Variants in ADGRA3 observed in about 807,000 individuals in gnomAD.
ADGRA3 encodes G-protein coupled receptor 125.
In ADGRA3, 56 loss-of-function variants were observed where a neutral mutation model predicts 119.8. The observed-to-expected ratio is 0.47, with a 90% CI of 0.38 to 0.58. ADGRA3 has a LOEUF of 0.58. Ranked by LOEUF, ADGRA3 falls within the 20% of genes least tolerant of loss-of-function variation. The probability of loss-of-function intolerance (pLI) is 0.00; values close to 1 mark genes in which losing one functional copy is unlikely to be tolerated. For missense variants in ADGRA3, 1,516 were observed against 1,649.0 expected (o/e 0.92, Z 1.40); for synonymous variants, 607 against 623.8 (o/e 0.97, Z 0.40).
At position 22,473,779 on chromosome 4, in the gene ADGRA3, C is replaced by A; in HGVS notation, c.322G>T (p.Glu108Ter). 1 of 1,590,128 alleles carries A rather than the reference C, an allele frequency of 6.3e-7. No homozygotes were observed. The change falls in exon 2 of 19, where the codon GAA (glutamate) becomes TAA (stop). Residue 108 changes from glutamate to a stop codon, truncating the protein, a stop_gained. Coordinates refer to ENST00000334304, the MANE Select transcript of ADGRA3 (RefSeq NM_145290.4). LOFTEE classifies it high-confidence loss of function. ...TAATTAAAGAATACTCACAATCTTT[C>A]AAGGAGACTTAACCCAGAAAATGAG... Reference protein sequence around the residue: ...NGSFSGLSLLERLDLRNNLIS... With the variant: ...NGSFSGLSLL
chr4:22,457,001 T>C (rs1293077985), intron 3 of ADGRA3, among the ~76,000 whole-genome samples: 2 of 152,206 alleles, frequency 1.3e-5, no homozygotes, highest in Admixed American at 6.5e-5. Flanking sequence ...TTCTTGTAAA[T>C]TGTTGCATAA....
chr4:22,487,935 G>A (rs891373591), intron 1 of ADGRA3, among the ~76,000 whole-genome samples: 1 of 152,060 alleles, frequency 6.6e-6, no homozygotes, highest in African/African-American at 2.4e-5. Context: ...AAAGTGTGGC[G>A]GGTGAAGCCA....
At chr4:22,477,798 A>G (rs1487706183) in intron 1 of ADGRA3, 1 of 152,222 alleles carries the variant, frequency 6.6e-6, no homozygotes, top group Admixed American at 6.5e-5. Flanking sequence ...TAATGTATTC[A>G]GTCTACACAT....
At chr4:22,512,966 G>T (rs1719500651) in intron 1 of ADGRA3, among the ~76,000 whole-genome samples, 1 of 152,090 alleles carries the variant, frequency 6.6e-6, no homozygotes, top group Non-Finnish European at 1.5e-5. Context: ...CATCTGAACT[G>T]CAGGACAGGA....
chr4:22,408,160 G>A (rs1715029609), intron 14 of ADGRA3, among the ~76,000 whole-genome samples: 1 of 151,892 alleles, frequency 6.6e-6, no homozygotes, highest in Non-Finnish European at 1.5e-5. Context: ...ATCAATTCCA[G>A]TCAAATTACA....
chr4:22,479,580 C>A (rs1718181706), intron 1 of ADGRA3, among the ~76,000 whole-genome samples: 1 of 152,020 alleles, frequency 6.6e-6, no homozygotes, highest in Non-Finnish European at 1.5e-5. Flanking sequence ...TTGTAGAAGA[C>A]AGCATGGCGA....
intron 12 of ADGRA3, among the ~76,000 whole-genome samples, chr4:22,419,436 T>C (rs1182391911): frequency 6.6e-6 from 1 of 152,180 alleles, no homozygotes; most frequent in Non-Finnish European, 1.5e-5. Flanking sequence ...TGTCCACCTA[T>C]GAAGCATGAA....
At chr4:22,450,569 T>C (rs1717000355) in intron 4 of ADGRA3, among the ~76,000 whole-genome samples, 1 of 152,192 alleles carries the variant, frequency 6.6e-6, no homozygotes, top group Non-Finnish European at 1.5e-5. Context: ...CCAGCCATTG[T>C]TGTTTCTTAC....
chr4:22,442,834 T>C lies in ADGRA3; in HGVS notation c.736A>G (p.Met246Val), dbSNP rs141526104. 3.7e-6 allele frequency: 6 copies of C among 1,613,128 alleles called. No homozygotes were observed. Among genetic ancestry groups the C allele is most frequent in the Admixed American group, 3.3e-5 (2 of 59,950 alleles). Residue 246 changes from methionine to valine, a missense_variant, in exon 7 of 19, where the codon ATG becomes GTG. Physicochemically the swap from Met to Val is conservative, Grantham distance 21. Coordinates refer to ENST00000334304, the MANE Select transcript of ADGRA3 (RefSeq NM_145290.4). ...ACAACTTGGCGATGAGATGGAGTCA[T>C]GTAGAAAGACGGCAATTCAAGCGGA... ...DPPLELPSFY[M>V]TPSHRQVVFE...
intron 14 of ADGRA3, among the ~76,000 whole-genome samples, chr4:22,412,793 C>T (rs77074438): frequency 0.036 from 5,523 of 152,180 alleles, 149 homozygotes; most frequent in Non-Finnish European, 0.059. Flanking sequence ...TGGGAAACAG[C>T]GCTAGATTGC....
intron 10 of ADGRA3, among the ~76,000 whole-genome samples, chr4:22,434,763 C>T (rs1316722156): frequency 6.6e-6 from 1 of 152,140 alleles, no homozygotes; most frequent in East Asian, 1.9e-4. Context: ...ACAAGCATAT[C>T]ATGGTTTCAA....
At chr4:22,426,314 A>G (rs1408239161) in intron 10 of ADGRA3, among the ~76,000 whole-genome samples, 1 of 152,186 alleles carries the variant, frequency 6.6e-6, no homozygotes, top group Non-Finnish European at 1.5e-5. Flanking sequence ...ATGTATCACA[A>G]CTTTTTCCTT....
At position 22,515,933 on chromosome 4, in the gene ADGRA3, C is replaced by T. The variant is rs1201443867; in HGVS notation, c.-149G>A. ...ACGGGCCTTCCCCGGCGCGGACATGCTCCTTTGTCCGCTGCGGCTGCGCTG... is the reference window on the plus strand; with the variant it reads ...ACGGGCCTTCCCCGGCGCGGACATGTTCCTTTGTCCGCTGCGGCTGCGCTG... On this transcript the variant is annotated 5_prime_UTR_variant, in exon 1 of 19. Transcript: ENST00000334304. The T allele has an allele frequency of 4.8e-5, 17 of 356,194 alleles. No homozygotes were observed. The highest frequency in any genetic ancestry group is 5.9e-5 in the Non-Finnish European group (15 of 255,250). The allele number at this position is 356,194 out of a possible 1,614,324, so 22.1% of individuals were successfully genotyped here.
chr4:22,427,256 C>T (rs1373291554), intron 10 of ADGRA3, among the ~76,000 whole-genome samples: 3 of 152,042 alleles, frequency 2.0e-5, no homozygotes, highest in African/African-American at 7.2e-5. Flanking sequence ...ATAGGCAGTG[C>T]TTACAGATTA....
chr4:22,504,537 T>C (rs1007561630), intron 1 of ADGRA3, among the ~76,000 whole-genome samples: 1 of 152,150 alleles, frequency 6.6e-6, no homozygotes, highest in African/African-American at 2.4e-5. Flanking sequence ...TTATTGTCCT[T>C]ACCCTTGGCT....
At chr4:22,510,825 C>A (rs1719425274) in intron 1 of ADGRA3, among the ~76,000 whole-genome samples, 1 of 152,182 alleles carries the variant, frequency 6.6e-6, no homozygotes, top group South Asian at 2.1e-4. Context: ...TCCTGAAGCA[C>A]TGAAACAGTC....
At chr4:22,469,596 G>GGAAGCCTA (rs1717785592) in intron 2 of ADGRA3, among the ~76,000 whole-genome samples, 1 of 152,142 alleles carries the variant, frequency 6.6e-6, no homozygotes, top group Admixed American at 6.5e-5. Flanking sequence ...GTCTCCATGT[G>GGAAGCCTA]GAAGCCTAAC....
intron 12 of ADGRA3, chr4:22,420,602 C>A: frequency 4.4e-6 from 2 of 454,426 alleles, no homozygotes; most frequent in South Asian, 1.0e-4. Context: ...GATTTTTTCA[C>A]ATGTAACAAT....
chr4:22,400,627 T>C (rs1248275976), intron 16 of ADGRA3, among the ~76,000 whole-genome samples: 2 of 152,134 alleles, frequency 1.3e-5, no homozygotes, highest in Non-Finnish European at 2.9e-5. Context: ...TACAATGTTG[T>C]GCTTACAGGT....
Sources: allele counts gnomAD v4.1 joint callset (sites outside exome capture counted in the v4.1 genomes callset), GRCh38; gene constraint gnomAD v4.1.1; transcripts MANE v1.5; gene names NCBI Gene and HGNC (gene_info 2026-07-23, HGNC 2026-07-21).